Variants in LHFPL6 observed in about 807,000 individuals in gnomAD.
LHFPL6 encodes the protein LHFPL tetraspan subfamily member 6.
Under a neutral mutation model 20.6 loss-of-function variants are expected in LHFPL6, and 9 were observed. The ratio of observed to expected loss-of-function variants is 0.44; its 90% CI spans 0.26 to 0.76. The LOEUF is 0.76. LHFPL6 is among the 30% of genes least tolerant of loss of function. The pLI, the probability that LHFPL6 is intolerant of heterozygous loss-of-function variation, is 0.20. For synonymous variants in LHFPL6, 105 were observed against 98.7 expected (o/e 1.06, Z -0.38); for missense variants, 218 against 253.5 (o/e 0.86, Z 0.95).
chr13:39,352,863 G>GTTTATATATATATAAA (rs1869608170), intron 3 of LHFPL6, among the ~76,000 whole-genome samples: 1 of 50,956 alleles, frequency 2.0e-5, no homozygotes, highest in African/African-American at 9.2e-5. Context: ...GTATATATAT[G>GTTTATATATATATAAA]TGTATATATA....
chr13:39,353,636 G>T (rs1419094816), intron 3 of LHFPL6, among the ~76,000 whole-genome samples: 2 of 152,104 alleles, frequency 1.3e-5, no homozygotes, highest in Admixed American at 1.3e-4. Flanking sequence ...GCTGAGGCAG[G>T]AGAATCTCTT....
rs896225881 is a variant in LHFPL6, at chr13:39,448,579, T to C, written c.386-70053A>G. 2.0e-5 allele frequency among the ~76,000 whole-genome samples: 3 copies of C among 152,250 alleles called. No homozygotes were observed. In the South Asian group the frequency reaches 6.2e-4, roughly 31 times the overall value. ...TACAACTTAACGTACAAAATTGCTA[T>C]GATCAGGTCTGCTGGTAGTTCTAGA... is the stretch of plus-strand genomic sequence containing the variant. On this transcript the variant is annotated intron_variant, in intron 2 of 3. Transcript: ENST00000379589.
At chr13:39,536,732 A>G (rs1023393611) in intron 2 of LHFPL6, among the ~76,000 whole-genome samples, 2 of 152,188 alleles carry the variant, frequency 1.3e-5, no homozygotes, top group African/African-American at 2.4e-5. Flanking sequence ...TGCACATCTA[A>G]CCAGCAGAAT....
chr13:39,402,714 G>T (rs1871023897), intron 2 of LHFPL6, among the ~76,000 whole-genome samples: 1 of 152,196 alleles, frequency 6.6e-6, no homozygotes, highest in Non-Finnish European at 1.5e-5. Context: ...TGCTATGAAG[G>T]CAAACGAATC....
intron 2 of LHFPL6, among the ~76,000 whole-genome samples, chr13:39,565,861 T>C (rs886308776): frequency 6.6e-6 from 1 of 152,304 alleles, no homozygotes; most frequent in South Asian, 2.1e-4. Context: ...CCACTGTACG[T>C]GGGGATTCCA....
At chr13:39,347,313 G>A (rs963874288) in intron 3 of LHFPL6, among the ~76,000 whole-genome samples, 2 of 152,116 alleles carry the variant, frequency 1.3e-5, no homozygotes, top group Admixed American at 6.5e-5. Context: ...CTTCCAGATC[G>A]TGGAAATGCC....
At chr13:39,568,290 G>A (rs1871793332) in intron 2 of LHFPL6, among the ~76,000 whole-genome samples, 1 of 149,030 alleles carries the variant, frequency 6.7e-6, no homozygotes, top group South Asian at 2.1e-4. Context: ...AAAAAAAACA[G>A]AATATGATAT....
At chr13:39,419,674 G>A (rs189325745) in intron 2 of LHFPL6, among the ~76,000 whole-genome samples, 1 of 152,126 alleles carries the variant, frequency 6.6e-6, no homozygotes, top group Non-Finnish European at 1.5e-5. Context: ...AGAAATGAAG[G>A]ACAGATGAAG....
Position 39,344,437 on chromosome 13 carries a change from T to C in LHFPL6, c.485-383A>G, listed in dbSNP as rs531824533. Among the ~76,000 whole-genome samples the C allele has an allele frequency of 2.0e-5, 3 of 152,326 alleles. No individual in the cohort carries two copies. The South Asian group carries it at 6.2e-4, about 32-fold the overall frequency. ...TTAGGGAAAAAAATATAAATGTTGA[T>C]GCAATCCTTCTGCAAAAGGGCCACT... is the stretch of plus-strand genomic sequence containing the variant. On this transcript the variant is annotated intron_variant, in intron 3 of 3. Transcript: ENST00000379589.
At chr13:39,347,252 T>C (rs1323992251) in intron 3 of LHFPL6, among the ~76,000 whole-genome samples, 1 of 152,186 alleles carries the variant, frequency 6.6e-6, no homozygotes, top group East Asian at 1.9e-4. Context: ...ATCAGCCTTG[T>C]TGCTGACATG....
intron 3 of LHFPL6, among the ~76,000 whole-genome samples, chr13:39,347,187 A>T (rs1869428757): frequency 6.6e-6 from 1 of 151,540 alleles, no homozygotes; most frequent in South Asian, 2.1e-4. Flanking sequence ...ACACTTCATG[A>T]CCACTCTCTC....
In LHFPL6 at chr13:39,367,912, G is replaced by A. The variant is rs192572810; in HGVS notation, c.484+10516C>T. Reference sequence around the variant, plus strand: ...CAAAACATCCAGTTGCTAACCCAAAGTAGCTTACTTAGCCAGATATCAATT... The same window carrying A: ...CAAAACATCCAGTTGCTAACCCAAAATAGCTTACTTAGCCAGATATCAATT... On this transcript the variant is annotated intron_variant, in intron 3 of 3. Coordinates refer to ENST00000379589, the MANE Select transcript of LHFPL6 (RefSeq NM_005780.3). Among the ~76,000 whole-genome samples, 8 of 152,270 alleles carry A rather than the reference G, an allele frequency of 5.3e-5. No individual in the cohort carries two copies. The East Asian group carries it at 1.4e-3, about 26-fold the overall frequency.
At chr13:39,416,866 T>C (rs1328569829) in intron 2 of LHFPL6, among the ~76,000 whole-genome samples, 1 of 125,848 alleles carries the variant, frequency 7.9e-6, no homozygotes, top group Non-Finnish European at 1.9e-5. Context: ...TATTTTTATC[T>C]TCTTGTCTAC....
At position 39,412,116 on chromosome 13, in the gene LHFPL6, G is replaced by A. The variant is rs372044320; in HGVS notation, c.386-33590C>T. Among the ~76,000 whole-genome samples, 11 of 152,148 alleles carry A rather than the reference G, an allele frequency of 7.2e-5. 1 individual carries two copies. The highest frequency in any genetic ancestry group is 2.0e-4 in the Admixed American group (3 of 15,266). On this transcript the variant is annotated intron_variant, in intron 2 of 3. Transcript: ENST00000379589. ...TGTGAGCTAGAAATAAACTTTTACCGTGTTTCAACCGTTATACATTTTTAG... is the reference window on the plus strand; with the variant it reads ...TGTGAGCTAGAAATAAACTTTTACCATGTTTCAACCGTTATACATTTTTAG...
intron 2 of LHFPL6, among the ~76,000 whole-genome samples, chr13:39,388,596 G>C (rs1425391529): frequency 6.6e-6 from 1 of 152,118 alleles, no homozygotes; most frequent in Non-Finnish European, 1.5e-5. Context: ...CTGTAAAATG[G>C]GGGAAAATTA....
At chr13:39,493,611 C>T (rs1869003136) in intron 2 of LHFPL6, among the ~76,000 whole-genome samples, 1 of 152,074 alleles carries the variant, frequency 6.6e-6, no homozygotes, top group Non-Finnish European at 1.5e-5. Context: ...AGAACAAAAG[C>T]CTGGGAATGG....
At chr13:39,352,742 C>T (rs1468993382) in intron 3 of LHFPL6, among the ~76,000 whole-genome samples, 1 of 150,306 alleles carries the variant, frequency 6.7e-6, no homozygotes, top group African/African-American at 2.5e-5. Context: ...AAAAAGGATA[C>T]ATATTAGATT....
chr13:39,572,241 A>T (rs1237814243), intron 2 of LHFPL6, among the ~76,000 whole-genome samples: 1 of 152,000 alleles, frequency 6.6e-6, no homozygotes, highest in Non-Finnish European at 1.5e-5. Context: ...AAATCTAAAG[A>T]GTTAGTCATT....
At chr13:39,444,487 C>T (rs993813126) in intron 2 of LHFPL6, among the ~76,000 whole-genome samples, 1 of 152,178 alleles carries the variant, frequency 6.6e-6, no homozygotes, top group Non-Finnish European at 1.5e-5. Context: ...CAAGCTAGAA[C>T]TTCAAGGGCA....
Sources: allele counts gnomAD v4.1 joint callset (sites outside exome capture counted in the v4.1 genomes callset), GRCh38; gene constraint gnomAD v4.1.1; transcripts MANE v1.5; gene names NCBI Gene and HGNC (gene_info 2026-07-23, HGNC 2026-07-21).